The following SCYL2 variants were observed in gnomAD, a reference collection of about 807,000 sequenced individuals.
The protein encoded by SCYL2 is SCY1 like pseudokinase 2.
Under a neutral mutation model 100.4 loss-of-function variants are expected in SCYL2, and 36 were observed. The observed-to-expected ratio is 0.36, with a 90% confidence interval of 0.27 to 0.47. The LOEUF is 0.47. Among genes scored for constraint, SCYL2 ranks in the 20% least tolerant of loss-of-function variants. The probability of loss-of-function intolerance (pLI) is 1.00; values close to 1 mark genes in which losing one functional copy is unlikely to be tolerated. For synonymous variants in SCYL2, 330 were observed against 359.2 expected, an observed-to-expected ratio of 0.92 and a Z score of 0.92; for missense variants, 902 against 1,083.9, an observed-to-expected ratio of 0.83 and a Z score of 2.36.
chr12:100,290,514 C>T (rs959247848), intron 2 of SCYL2, among the ~76,000 whole-genome samples: 2 of 151,682 alleles, frequency 1.3e-5, no homozygotes, highest in Non-Finnish European at 2.9e-5. Context: ...AGTTGCCAGG[C>T]TAACTTATGA....
chr12:100,295,302 C>G (rs1246664268), intron 3 of SCYL2, among the ~76,000 whole-genome samples: 1 of 151,408 alleles, frequency 6.6e-6, no homozygotes, highest in African/African-American at 2.4e-5. Context: ...GGGTGGCGGC[C>G]GGGCAGAGGA....
chr12:100,289,777 G>A (rs528413375), intron 2 of SCYL2, among the ~76,000 whole-genome samples: 29 of 152,288 alleles, frequency 1.9e-4, no homozygotes, highest in African/African-American at 7.0e-4. Flanking sequence ...CTTGATCACT[G>A]TTATATTCTT....
At chr12:100,317,085 G>A (rs924217736) in intron 9 of SCYL2, among the ~76,000 whole-genome samples, 2 of 151,002 alleles carry the variant, frequency 1.3e-5, no homozygotes, top group African/African-American at 4.9e-5. Context: ...GACAGAGTGA[G>A]TGAGGCCCTG....
intron 12 of SCYL2, 48 bp downstream of exon 12, chr12:100,326,802 A>C (rs1302488551): frequency 1.3e-6 from 2 of 1,537,014 alleles, no homozygotes; most frequent in African/African-American, 1.4e-5. Context: ...CATGCAAATA[A>C]ATTTTCCAAT....
intron 1 of SCYL2, among the ~76,000 whole-genome samples, chr12:100,269,987 CT>C (rs548843835): frequency 3.3e-3 from 474 of 142,806 alleles, no homozygotes; most frequent in Middle Eastern, 3.6e-3. Context: ...AGATTTTATA[CT>C]TTTTTTTTTT....
At chr12:100,279,864 A>T (rs146595817) in intron 1 of SCYL2, among the ~76,000 whole-genome samples, 1 of 152,360 alleles carries the variant, frequency 6.6e-6, no homozygotes, top group East Asian at 1.9e-4. Flanking sequence ...ATGCATAAGC[A>T]TGTGTGGGAC....
At position 100,270,048 on chromosome 12, in the gene SCYL2, G is replaced by T. The variant is rs367785949; in HGVS notation, c.-29+2256G>T. On this transcript the variant is annotated intron_variant, in intron 1 of 17. Transcript: ENST00000360820. Reference sequence around the variant, plus strand: ...GTCACCCAGGCTGGAGTGCCGTGGCGCGATCTCGGCTCACTGCAAGCTCCG... The same window carrying T: ...GTCACCCAGGCTGGAGTGCCGTGGCTCGATCTCGGCTCACTGCAAGCTCCG... Among the ~76,000 whole-genome samples, 6 of 150,884 alleles carry T rather than the reference G, an allele frequency of 4.0e-5. No individual in the cohort carries two copies. The East Asian group carries it at 5.8e-4, about 15-fold the overall frequency.
At chr12:100,290,907 G>A (rs2096309785) in intron 2 of SCYL2, among the ~76,000 whole-genome samples, 1 of 152,134 alleles carries the variant, frequency 6.6e-6, no homozygotes, top group Non-Finnish European at 1.5e-5. Context: ...AGGAGGATGT[G>A]TGCTTTTAGT....
At chr12:100,294,513 ACTCCCC>A in intron 3 of SCYL2, among the ~76,000 whole-genome samples, 1 of 64,944 alleles carries the variant, frequency 1.5e-5, no homozygotes, top group South Asian at 4.7e-4. Flanking sequence ...CGGGGGGCTG[ACTCCCC>A]CAGGCTGACT....
intron 1 of SCYL2, among the ~76,000 whole-genome samples, chr12:100,271,993 T>G (rs1456811504): frequency 6.6e-6 from 1 of 152,198 alleles, no homozygotes; most frequent in East Asian, 1.9e-4. Flanking sequence ...GCTGTAATAC[T>G]CATCCTACTT....
At position 100,335,839 on chromosome 12, in the gene SCYL2, G is replaced by A. The variant is rs969148437; in HGVS notation, c.1958G>A (p.Gly653Glu). Residue 653 changes from glycine (G) to glutamate (E), a missense_variant, in exon 16 of 18, where the codon GGA (glycine) becomes GAA (glutamate). By Grantham distance (98) the Gly-to-Glu change is moderately conservative. Transcript: ENST00000360820. ...ATTGACAAAGTTTTTAACAACATTG[G>A]AGCAGACCTTCTGACTGGCAGTGAG... The part of the protein sequence containing the change: ...QQIDKVFNNI[G>E]ADLLTGSESE... 6.2e-7 allele frequency: 1 copy of A among 1,613,160 alleles called. No individual in the cohort carries two copies. The highest frequency in any genetic ancestry group is 1.3e-5 in the African/African-American group (1 of 74,852).
intron 16 of SCYL2, among the ~76,000 whole-genome samples, chr12:100,336,947 AAAGAC>A (rs938651815): frequency 3.3e-5 from 5 of 152,178 alleles, no homozygotes; most frequent in African/African-American, 9.7e-5. Context: ...AAAGTTGATA[AAAGAC>A]AAGACATCAA....
chr12:100,283,825 C>G (rs1425932393), intron 2 of SCYL2, among the ~76,000 whole-genome samples: 1 of 152,090 alleles, frequency 6.6e-6, no homozygotes, highest in Non-Finnish European at 1.5e-5. Context: ...GAATCTTGGT[C>G]CTATGATAAA....
At position 100,267,412 on chromosome 12, in the gene SCYL2, C is replaced by T; in HGVS notation, c.-409C>T. 1 of 202,854 alleles carries T rather than the reference C, an allele frequency of 4.9e-6. No homozygotes were observed. The highest frequency in any genetic ancestry group is 1.0e-5 in the Non-Finnish European group (1 of 99,394). The allele number at this position is 202,854 out of a possible 1,614,324, so 12.6% of individuals were successfully genotyped here. A position where few individuals can be genotyped will look rare whatever the true frequency, so the allele number is the denominator to read the frequency against. On this transcript the variant is annotated 5_prime_UTR_variant, in exon 1 of 18. Transcript: ENST00000360820. ...GAAGGAAGAGGTAAGTGACCGGCCG[C>T]CGGCACCGACCGACCTCCCTCACCG...
At chr12:100,330,358 C>G (rs1200975914) in intron 13 of SCYL2, among the ~76,000 whole-genome samples, 2 of 152,178 alleles carry the variant, frequency 1.3e-5, no homozygotes, top group African/African-American at 2.4e-5. Flanking sequence ...CTGCATACCT[C>G]TATCGCTGTT....
At chr12:100,297,927 CCTT>C (rs1373311751) in intron 3 of SCYL2, 101 bp from the exon 4 acceptor site, 12 of 911,314 alleles carry the variant, frequency 1.3e-5, no homozygotes, top group African/African-American at 7.0e-5. Context: ...AAAATAGTTA[CCTT>C]CTTATTGATA....
chr12:100,271,820 G>C (rs555632043), intron 1 of SCYL2, among the ~76,000 whole-genome samples: 2 of 152,168 alleles, frequency 1.3e-5, no homozygotes, highest in Non-Finnish European at 2.9e-5. Flanking sequence ...ATATATTCTT[G>C]GGGAAGTATA....
At chr12:100,337,995 T>C (rs912067134) in intron 17 of SCYL2, among the ~76,000 whole-genome samples, 1 of 152,198 alleles carries the variant, frequency 6.6e-6, no homozygotes, top group Non-Finnish European at 1.5e-5. Context: ...GCCCTGCTTG[T>C]AGAGAGTTTA....
At chr12:100,302,241 A>G (rs1418132869) in intron 4 of SCYL2, among the ~76,000 whole-genome samples, 1 of 152,116 alleles carries the variant, frequency 6.6e-6, no homozygotes, top group Admixed American at 6.5e-5. Flanking sequence ...AGGTGGTGCA[A>G]GCACTCCCTT....
Sources: allele counts gnomAD v4.1 joint callset (sites outside exome capture counted in the v4.1 genomes callset), GRCh38; gene constraint gnomAD v4.1.1; transcripts MANE v1.5; gene names NCBI Gene and HGNC (gene_info 2026-07-23, HGNC 2026-07-21).